Variants in SLC12A3 observed in about 807,000 individuals in gnomAD.
The protein encoded by SLC12A3 is solute carrier family 12 member 3.
SLC12A3 carries 104 observed loss-of-function variants against 121.0 expected under a neutral mutation model. The ratio of observed to expected loss-of-function variants is 0.86; its 90% CI spans 0.73 to 1.01. The LOEUF is 1.01. Ranked by LOEUF, SLC12A3 falls within the 50% of genes least tolerant of loss-of-function variation. The pLI, the probability that SLC12A3 is intolerant of heterozygous loss-of-function variation, is 0.00. For synonymous variants in SLC12A3, 536 were observed against 533.4 expected (o/e 1.00, Z -0.07); for missense variants, 1,328 against 1,356.3 (o/e 0.98, Z 0.33).
chr16:56,911,437 G>A (rs1457856899), intron 25 of SLC12A3, among the ~76,000 whole-genome samples: 2 of 147,158 alleles, frequency 1.4e-5, no homozygotes, highest in East Asian at 1.9e-4. Context: ...CGATCCTCCC[G>A]CCTCAGCATC....
intron 24 of SLC12A3, among the ~76,000 whole-genome samples, chr16:56,903,251 C>G (rs1318288800): frequency 6.6e-6 from 1 of 152,158 alleles, no homozygotes; most frequent in Non-Finnish European, 1.5e-5. Flanking sequence ...CTATGGTGCC[C>G]CTTCCTGGAC....
rs1311861132 is a variant in SLC12A3, at chr16:56,865,554, T to C, written c.282+37T>C. The C allele has an allele frequency of 1.9e-6, 3 of 1,602,890 alleles. No homozygotes were observed. In the South Asian group the frequency reaches 3.3e-5, roughly 18 times the overall value. On this transcript the variant is annotated intron_variant, in intron 1 of 25. Coordinates refer to ENST00000563236, the MANE Select transcript of SLC12A3 (RefSeq NM_001126108.2). ...CTCAGAAGACTGGCCACTTCCCTGC[T>C]GTGTGACCTCGACCCAGCTACCTAA...
chr16:56,913,266 C>A lies in SLC12A3; in HGVS notation c.2927C>A (p.Thr976Asn). ...TACCACTTTTTCATGCCTTGCAGCA[C>A]TTTGCCCATAGGGAGGAAGGGGAAG... ...YSRDAALIVI[T>N]LPIGRKGKCP... is the part of the protein sequence containing the mutation. Residue 976 changes from threonine (T) to asparagine (N), a missense_variant and splice_region_variant, in exon 26 of 26, where the codon ACT becomes AAT. Physicochemically the swap from Thr to Asn is moderately conservative, Grantham distance 65. Transcript: ENST00000563236. 1 of 1,614,140 alleles carries A rather than the reference C, an allele frequency of 6.2e-7. No individual in the cohort carries two copies. Among genetic ancestry groups the A allele is most frequent in the Non-Finnish European group, 8.5e-7 (1 of 1,180,022 alleles).
intron 24 of SLC12A3, 89 bp from the exon 25 acceptor site, chr16:56,904,306 T>C: frequency 1.7e-6 from 2 of 1,185,638 alleles, no homozygotes; most frequent in Non-Finnish European, 2.5e-6. Flanking sequence ...ATGAATCCAG[T>C]TGAAAATGTT....
intron 1 of SLC12A3, among the ~76,000 whole-genome samples, chr16:56,865,885 G>A (rs1461767863): frequency 6.6e-6 from 1 of 152,214 alleles, no homozygotes; most frequent in Admixed American, 6.5e-5. Context: ...GGACTGTGAA[G>A]AGTGGAGGGC....
intron 8 of SLC12A3, 42 bp from the exon 9 acceptor site, chr16:56,878,023 CCTCCCTCCCTCT>C: frequency 5.7e-6 from 4 of 697,624 alleles, no homozygotes; most frequent in East Asian, 3.0e-5. Flanking sequence ...GTCCTCCGTC[CCTCCCTCCCTCT>C]CTCCCTCCCT....
At chr16:56,904,695 A>G (rs1289865146) in intron 25 of SLC12A3, 1 of 525,370 alleles carries the variant, frequency 1.9e-6, no homozygotes, top group Non-Finnish European at 3.5e-6. Context: ...TGTCCCAGGC[A>G]TCAGTGACCT....
In SLC12A3 at chr16:56,867,155, G is replaced by A. The variant is rs1189666770; in HGVS notation, c.368G>A (p.Gly123Asp). Residue 123 changes from glycine (G) to aspartate (D), a missense_variant, in exon 2 of 26, where the codon GGC becomes GAC. Physicochemically the swap from Gly to Asp is moderately conservative, Grantham distance 94. Transcript: ENST00000563236. ...GATGGGCTGGTGGAGGGCGAGGCAGGCACCAGCAGCGAGAAGAACCCCGAG... is the reference window on the plus strand; with the variant it reads ...GATGGGCTGGTGGAGGGCGAGGCAGACACCAGCAGCGAGAAGAACCCCGAG... ...MTDGLVEGEA[G>D]TSSEKNPEEP... 3 of 1,613,868 alleles carry A rather than the reference G, an allele frequency of 1.9e-6. No homozygotes were observed. Among genetic ancestry groups the A allele is most frequent in the Non-Finnish European group, 1.7e-6 (2 of 1,179,986 alleles).
intron 24 of SLC12A3, among the ~76,000 whole-genome samples, chr16:56,903,240 G>C (rs1445384385): frequency 1.3e-5 from 2 of 152,116 alleles, no homozygotes; most frequent in Non-Finnish European, 1.5e-5. Context: ...ACAGCTCAGA[G>C]CTATGGTGCC....
chr16:56,868,281 C>T lies in SLC12A3; in HGVS notation c.430-16C>T, dbSNP rs772518189. On this transcript the variant is annotated splice_polypyrimidine_tract_variant and intron_variant, in intron 2 of 25. Coordinates refer to ENST00000563236, the MANE Select transcript of SLC12A3 (RefSeq NM_001126108.2). Reference sequence around the variant, plus strand: ...GGTGTCCACCCAGGTGGCCTCTGACCCCCCTGTCCTCCCAGATTCGTTGCA... The same window carrying T: ...GGTGTCCACCCAGGTGGCCTCTGACTCCCCTGTCCTCCCAGATTCGTTGCA... 6.2e-7 allele frequency: 1 copy of T among 1,613,446 alleles called. No individual in the cohort carries two copies. The highest frequency in any genetic ancestry group is 8.5e-7 in the Non-Finnish European group (1 of 1,179,808).
At chr16:56,910,894 T>C (rs902870967) in intron 25 of SLC12A3, among the ~76,000 whole-genome samples, 21 of 152,200 alleles carry the variant, frequency 1.4e-4, no homozygotes, top group Non-Finnish European at 2.8e-4. Flanking sequence ...TGAAGATTAG[T>C]AGCTCAAGGC....
Position 56,867,120 on chromosome 16 carries a change from C to T in SLC12A3, c.333C>T (p.His111=), listed in dbSNP as rs867887117. The T allele has an allele frequency of 3.1e-6, 5 of 1,614,042 alleles. No individual in the cohort carries two copies. Among genetic ancestry groups the T allele is most frequent in the African/African-American group, 2.7e-5 (2 of 75,046 alleles). The change falls in exon 2 of 26, where the codon CAC becomes CAT. Residue 111 remains histidine (H), a synonymous_variant. Coordinates refer to ENST00000563236, the MANE Select transcript of SLC12A3 (RefSeq NM_001126108.2). ...TGGCCTTTGACAGCCGGCCCAGCCA[C>T]GAGATGACTGATGGGCTGGTGGAGG... ...HALAFDSRPS[H]EMTDGLVEGE...
chr16:56,901,129 C>T (rs1003832756), intron 23 of SLC12A3, among the ~76,000 whole-genome samples: 1 of 152,190 alleles, frequency 6.6e-6, no homozygotes, highest in Admixed American at 6.5e-5. Context: ...GCTTCCAAGA[C>T]ACCCCTTCCA....
chr16:56,913,238 T>C (rs750072405), intron 25 of SLC12A3, 26 bp from the exon 26 acceptor site: 3 of 1,614,082 alleles, frequency 1.9e-6, no homozygotes, highest in South Asian at 2.2e-5. Context: ...GTAATCTCTC[T>C]TCTACCACTT....
Position 56,913,594 on chromosome 16 carries a change from TG to T in SLC12A3, c.*192del, listed in dbSNP as rs2055715881. Reference sequence around the variant, plus strand: ...CTCCACTTCCATGGGACACATTCCCTGGGTCTTGTGTTTATAGGCTAGAGAA... The same window carrying T: ...CTCCACTTCCATGGGACACATTCCCTGGTCTTGTGTTTATAGGCTAGAGAA... On this transcript the variant is annotated 3_prime_UTR_variant, in exon 26 of 26. Coordinates refer to ENST00000563236, the MANE Select transcript of SLC12A3 (RefSeq NM_001126108.2). 1 of 672,848 alleles carries T rather than the reference TG, an allele frequency of 1.5e-6. No individual in the cohort carries two copies. Among genetic ancestry groups the T allele is most frequent in the African/African-American group, 1.8e-5 (1 of 56,776 alleles). The allele number at this position is 672,848 out of a possible 1,614,324, so 41.7% of individuals were successfully genotyped here. A position where few individuals can be genotyped will look rare whatever the true frequency, so the allele number is the denominator to read the frequency against.
At chr16:56,905,667 C>T (rs1289067374) in intron 25 of SLC12A3, among the ~76,000 whole-genome samples, 1 of 152,162 alleles carries the variant, frequency 6.6e-6, no homozygotes, top group Non-Finnish European at 1.5e-5. Context: ...ATGTGGGGCA[C>T]CTTGCTCAGA....
chr16:56,893,035 C>G lies in SLC12A3; in HGVS notation c.2502C>G (p.Tyr834Ter). Residue 834 changes from tyrosine to a stop codon, truncating the protein, a stop_gained, in exon 21 of 26, where the codon TAC (tyrosine) becomes TAG (stop). Coordinates refer to ENST00000563236, the MANE Select transcript of SLC12A3 (RefSeq NM_001126108.2). LOFTEE classifies it high-confidence loss of function. ...SEQGKKTIDIYWLFDDGGLTL... is the reference protein window; with the variant it reads ...SEQGKKTIDI ...AGGGCAAGAAGACCATAGACATCTACTGGCTCTTTGACGATGGAGGTCAGT... is the reference window on the plus strand; with the variant it reads ...AGGGCAAGAAGACCATAGACATCTAGTGGCTCTTTGACGATGGAGGTCAGT... 6.2e-7 allele frequency: 1 copy of G among 1,614,134 alleles called. No individual in the cohort carries two copies. The highest frequency in any genetic ancestry group is 8.5e-7 in the Non-Finnish European group (1 of 1,179,948).
At chr16:56,903,042 G>C (rs982891862) in intron 24 of SLC12A3, among the ~76,000 whole-genome samples, 1 of 151,900 alleles carries the variant, frequency 6.6e-6, no homozygotes, top group Non-Finnish European at 1.5e-5. Context: ...CCAGCTACTC[G>C]GGAGGCTGAG....
chr16:56,869,923 C>T (rs1412924302), intron 4 of SLC12A3, 99 bp downstream of exon 4: 49 of 1,375,474 alleles, frequency 3.6e-5, no homozygotes, highest in African/African-American at 5.7e-5. Flanking sequence ...CACCCAGCCG[C>T]TCCTGTGGTT....
Sources: gnomAD v4.1 joint callset for allele counts (sites outside exome capture counted in the v4.1 genomes callset) on GRCh38, gnomAD v4.1.1 for gene constraint, MANE v1.5 for transcripts, NCBI Gene and HGNC (gene_info 2026-07-23, HGNC 2026-07-21) for gene names.